The following EYS variants were observed in gnomAD, a reference collection of about 807,000 sequenced individuals.
EYS encodes the protein protein eyes shut homolog.
In EYS, 250 loss-of-function variants were observed where a neutral mutation model predicts 282.1. The observed-to-expected ratio is 0.89, with a 90% CI of 0.80 to 0.98. The LOEUF is 0.98. EYS is among the 50% of genes least tolerant of loss of function. The probability of loss-of-function intolerance (pLI) is 0.00; values close to 1 mark genes in which losing one functional copy is unlikely to be tolerated. For synonymous variants in EYS, 1,355 were observed against 1,282.9 expected, an observed-to-expected ratio of 1.06 and a Z score of -1.20; for missense variants, 4,016 against 3,709.0, an observed-to-expected ratio of 1.08 and a Z score of -2.15.
At chr6:64,863,455 C>G (rs1265241439) in intron 19 of EYS, among the ~76,000 whole-genome samples, 2 of 152,236 alleles carry the variant, frequency 1.3e-5, no homozygotes, top group African/African-American at 4.8e-5. Context: ...ATAGATCACA[C>G]TTTTTTTCTT....
chr6:64,902,575 T>C, intron 16 of EYS, 75 bp from the exon 17 acceptor site: 1 of 804,390 alleles, frequency 1.2e-6, no homozygotes, highest in Non-Finnish European at 1.9e-6. Flanking sequence ...AGTGGTAGTC[T>C]AAAGAATACA....
intron 26 of EYS, among the ~76,000 whole-genome samples, chr6:64,481,083 T>C (rs1373457879): frequency 6.6e-6 from 1 of 151,430 alleles, no homozygotes; most frequent in Non-Finnish European, 1.5e-5. Context: ...TAAATATGAC[T>C]TATTTTGGTT....
At chr6:64,664,242 A>G (rs1241173206) in intron 22 of EYS, among the ~76,000 whole-genome samples, 4 of 152,198 alleles carry the variant, frequency 2.6e-5, no homozygotes, top group East Asian at 1.9e-4. Flanking sequence ...GCTGGGGTTT[A>G]TATCCCAATC....
At chr6:64,930,615 T>A (rs921341851) in intron 15 of EYS, among the ~76,000 whole-genome samples, 2 of 152,150 alleles carry the variant, frequency 1.3e-5, no homozygotes, top group East Asian at 3.8e-4. Context: ...CCATTAAAAA[T>A]TTTTAAACAT....
chr6:64,555,591 T>C (rs924138577), intron 26 of EYS, among the ~76,000 whole-genome samples: 13 of 151,840 alleles, frequency 8.6e-5, no homozygotes, highest in Admixed American at 7.9e-4. Flanking sequence ...CATCATGTTG[T>C]ACACAACAAA....
At chr6:65,624,067 A>G (rs1223497446) in intron 2 of EYS, among the ~76,000 whole-genome samples, 2 of 152,234 alleles carry the variant, frequency 1.3e-5, no homozygotes, top group African/African-American at 4.8e-5. Context: ...AGTAAACATT[A>G]CAACTTAATT....
intron 5 of EYS, among the ~76,000 whole-genome samples, chr6:65,407,729 T>G (rs1417659850): frequency 6.8e-6 from 1 of 147,274 alleles, no homozygotes; most frequent in Non-Finnish European, 1.5e-5. Flanking sequence ...CTGCTTTCCT[T>G]TCAACTAATA....
At chr6:64,711,203 T>C (rs1761721627) in intron 22 of EYS, among the ~76,000 whole-genome samples, 1 of 152,192 alleles carries the variant, frequency 6.6e-6, no homozygotes, top group Non-Finnish European at 1.5e-5. Flanking sequence ...AAATAAAGGC[T>C]TTAAGACAAC....
intron 39 of EYS, among the ~76,000 whole-genome samples, chr6:63,778,413 G>C (rs1286881614): frequency 1.3e-5 from 2 of 151,690 alleles, no homozygotes; most frequent in Non-Finnish European, 2.9e-5. Flanking sequence ...TGTGTGTGTG[G>C]TATTTTTTCT....
chr6:64,409,261 C>T (rs1773813565), intron 28 of EYS, among the ~76,000 whole-genome samples: 1 of 152,116 alleles, frequency 6.6e-6, no homozygotes, highest in Admixed American at 6.6e-5. Flanking sequence ...GCACATATGA[C>T]TGCATGTGTT....
intron 11 of EYS, among the ~76,000 whole-genome samples, chr6:65,318,081 A>G (rs1328314970): frequency 6.6e-6 from 1 of 150,926 alleles, no homozygotes; most frequent in Non-Finnish European, 1.5e-5. Context: ...GTTAGCCAGG[A>G]TGGTCTTGAT....
chr6:64,130,627 T>TA (rs113104299), intron 31 of EYS, among the ~76,000 whole-genome samples: 11,628 of 146,100 alleles, frequency 0.08, 1,380 homozygotes, highest in African/African-American at 0.26. Flanking sequence ...AAAGTATAAT[T>TA]AAAAAAAAAA....
At chr6:64,892,485 G>A (rs1490578052) in intron 18 of EYS, among the ~76,000 whole-genome samples, 1 of 151,848 alleles carries the variant, frequency 6.6e-6, no homozygotes, top group East Asian at 1.9e-4. Context: ...GGACTTTTAA[G>A]CCTATGTTAA....
rs1359270662 is a variant in EYS, at chr6:64,436,284, T to G, written c.5836-19A>C. On this transcript the variant is annotated intron_variant, in intron 27 of 42. Transcript: ENST00000503581. ...AGTGGTACTGTTGGGGGAAAAAATT[T>G]TGTCCTCAAACAGTTTTTCAGCATG... is the stretch of plus-strand genomic sequence containing the variant. 1.4e-6 allele frequency: 2 copies of G among 1,438,314 alleles called. No homozygotes were observed. Among genetic ancestry groups the G allele is most frequent in the East Asian group, 5.0e-5 (2 of 39,924 alleles). 89.1% of individuals were successfully genotyped at this position (1,438,314 alleles called of 1,614,324 possible).
At chr6:65,185,135 C>T (rs184951477) in intron 12 of EYS, among the ~76,000 whole-genome samples, 5 of 151,716 alleles carry the variant, frequency 3.3e-5, no homozygotes, top group Admixed American at 2.6e-4. Context: ...GAAAGATGCA[C>T]ATAGATCCAC....
chr6:65,190,320 T>C (rs1765611166), intron 12 of EYS, among the ~76,000 whole-genome samples: 1 of 148,270 alleles, frequency 6.7e-6, no homozygotes, highest in Admixed American at 6.8e-5. Context: ...CTATAAAATA[T>C]TTATATATTA....
intron 33 of EYS, among the ~76,000 whole-genome samples, chr6:64,030,667 T>C (rs550449584): frequency 6.6e-6 from 1 of 152,342 alleles, no homozygotes; most frequent in East Asian, 1.9e-4. Flanking sequence ...TTCTCCCTTT[T>C]CTAGGTCCCG....
intron 14 of EYS, among the ~76,000 whole-genome samples, chr6:64,996,371 A>T (rs1442629243): frequency 6.6e-6 from 1 of 152,192 alleles, no homozygotes; most frequent in African/African-American, 2.4e-5. Context: ...GGTAACAGCA[A>T]CTACATAAAT....
At position 64,175,262 on chromosome 6, in the gene EYS, A is replaced by C. The variant is rs74800377; in HGVS notation, c.6424+55330T>G. On this transcript the variant is annotated intron_variant, in intron 31 of 42. Coordinates refer to ENST00000503581, the MANE Select transcript of EYS (RefSeq NM_001142800.2). ...TTACATTGATTTATTCAATAAATAA[A>C]TAGTTATTTAATATCTCCTGTCCTA... is the stretch of plus-strand genomic sequence containing the variant. Among the ~76,000 whole-genome samples the C allele has an allele frequency of 2.3e-3, 356 of 152,284 alleles. 1 individual carries two copies. The highest frequency in any genetic ancestry group is 8.2e-3 in the African/African-American group (340 of 41,570).
Sources: gnomAD v4.1 joint callset for allele counts (sites outside exome capture counted in the v4.1 genomes callset) on GRCh38, gnomAD v4.1.1 for gene constraint, MANE v1.5 for transcripts, NCBI Gene and HGNC (gene_info 2026-07-23, HGNC 2026-07-21) for gene names.